SLC14A2: variants seen among roughly 807,000 people sequenced by gnomAD.
SLC14A2 encodes solute carrier family 14 member 2.
In SLC14A2, 91 loss-of-function variants were observed where a neutral mutation model predicts 104.6. The observed-to-expected ratio is 0.87, with a 90% CI of 0.73 to 1.04. The LOEUF (loss-of-function observed/expected upper bound fraction) is 1.04. Ranked by LOEUF, SLC14A2 falls within the 50% of genes least tolerant of loss-of-function variation. The probability of loss-of-function intolerance (pLI) is 0.00; values close to 1 mark genes in which losing one functional copy is unlikely to be tolerated. For missense variants in SLC14A2, 1,189 were observed against 1,156.0 expected (o/e 1.03, Z -0.41); for synonymous variants, 476 against 466.4 (o/e 1.02, Z -0.27).
chr18:45,595,086 AT>A (rs2044702518), intron 2 of SLC14A2, among the ~76,000 whole-genome samples: 1 of 152,184 alleles, frequency 6.6e-6, no homozygotes, highest in African/African-American at 2.4e-5. Context: ...CAACCATCTC[AT>A]TTACTCAACC....
chr18:45,529,358 C>G (rs925724247), intron 2 of SLC14A2: 1 of 152,026 alleles, frequency 6.6e-6, no homozygotes, highest in African/African-American at 2.4e-5. Context: ...CATATGAAAC[C>G]CTATATGAAA....
At chr18:45,327,345 T>C (rs1223085994) in intron 1 of SLC14A2, among the ~76,000 whole-genome samples, 4 of 152,146 alleles carry the variant, frequency 2.6e-5, no homozygotes, top group Admixed American at 1.3e-4. Flanking sequence ...AATTTACATA[T>C]AAATTTTACC....
chr18:45,569,037 G>T (rs1056770834), intron 2 of SLC14A2, among the ~76,000 whole-genome samples: 1 of 152,144 alleles, frequency 6.6e-6, no homozygotes, highest in Admixed American at 6.5e-5. Flanking sequence ...AGGAGGAAGT[G>T]CCCACCTCTC....
chr18:45,531,913 A>C (rs986505741), intron 2 of SLC14A2, among the ~76,000 whole-genome samples: 9 of 152,116 alleles, frequency 5.9e-5, no homozygotes, highest in African/African-American at 1.4e-4. Flanking sequence ...TCAGCTTTCT[A>C]CATATGGCTA....
intron 2 of SLC14A2, among the ~76,000 whole-genome samples, chr18:45,560,025 C>T (rs2044181452): frequency 6.6e-6 from 1 of 152,200 alleles, no homozygotes. Flanking sequence ...CCTCTGCCTA[C>T]ACGTTGCCCT....
chr18:45,560,793 T>C lies in SLC14A2; in HGVS notation c.-34-63838T>C, dbSNP rs540098873. On this transcript the variant is annotated intron_variant, in intron 2 of 20. Coordinates refer to the SLC14A2 transcript ENST00000586448. ...CCCTCACCTCTTTCATGTCCTGGGG[T>C]TGACTTCCTGCTTGTCCCCACCTCT... Among the ~76,000 whole-genome samples the C allele has an allele frequency of 2.0e-5, 3 of 152,098 alleles. No individual in the cohort carries two copies. The South Asian group carries it at 6.3e-4, about 32-fold the overall frequency.
intron 1 of SLC14A2, among the ~76,000 whole-genome samples, chr18:45,229,647 G>T (rs1373141213): frequency 6.6e-6 from 1 of 152,114 alleles, no homozygotes; most frequent in Non-Finnish European, 1.5e-5. Context: ...ATACCCTCCT[G>T]CACTCTACCT....
the SLC14A2 span, chr18:45,169,071 G>A: frequency 6.6e-6 from 1 of 152,140 alleles, no homozygotes; most frequent in Non-Finnish European, 1.5e-5. Context: ...ACCATTGAAA[G>A]CAAGGATTTG....
At chr18:45,178,296 A>AGCAC in the SLC14A2 span, among the ~76,000 whole-genome samples, 1 of 152,338 alleles carries the variant, frequency 6.6e-6, no homozygotes, top group Admixed American at 6.5e-5. Flanking sequence ...AAGCACTAGA[A>AGCAC]TTCAGTCTAC....
At chr18:45,394,923 A>G (rs2086012047) in intron 1 of SLC14A2, among the ~76,000 whole-genome samples, 3 of 152,192 alleles carry the variant, frequency 2.0e-5, no homozygotes, top group Admixed American at 6.5e-5. Context: ...GCTCCTCAAA[A>G]AAATTAAGAT....
intron 1 of SLC14A2, among the ~76,000 whole-genome samples, chr18:45,293,697 C>A (rs527531009): frequency 6.6e-6 from 1 of 152,230 alleles, no homozygotes; most frequent in Non-Finnish European, 1.5e-5. Context: ...TTGTAAGATG[C>A]CAGTGTGCAG....
intron 1 of SLC14A2, among the ~76,000 whole-genome samples, chr18:45,250,579 C>T (rs1037635566): frequency 6.6e-6 from 1 of 152,040 alleles, no homozygotes; most frequent in Non-Finnish European, 1.5e-5. Context: ...AAACATCCTT[C>T]CCATTGCCCT....
At chr18:45,567,937 G>C (rs7226774) in intron 2 of SLC14A2, among the ~76,000 whole-genome samples, 60,077 of 152,126 alleles carry the variant, frequency 0.39, 12,886 homozygotes, top group East Asian at 0.66. Context: ...CTGTTCTACA[G>C]TTCCTGGGTC....
intron 1 of SLC14A2, among the ~76,000 whole-genome samples, chr18:45,362,293 AG>A (rs757451127): frequency 1.3e-5 from 2 of 152,216 alleles, no homozygotes; most frequent in South Asian, 2.1e-4. Context: ...AGTTCTTTAC[AG>A]GAGTGTGAAA....
intron 1 of SLC14A2, among the ~76,000 whole-genome samples, chr18:45,412,461 AT>A (rs1243226500): frequency 1.3e-5 from 2 of 152,156 alleles, no homozygotes; most frequent in African/African-American, 4.8e-5. Context: ...GTTGGCTGAT[AT>A]TCTTGGCTCA....
chr18:45,226,660 G>A (rs531218212), intron 1 of SLC14A2, among the ~76,000 whole-genome samples: 1 of 128,502 alleles, frequency 7.8e-6, no homozygotes, highest in African/African-American at 2.9e-5. Context: ...CACACAACGG[G>A]GCCTGTTGGG....
chr18:45,671,610 A>T (rs948426886), intron 16 of SLC14A2, among the ~76,000 whole-genome samples: 1 of 152,054 alleles, frequency 6.6e-6, no homozygotes, highest in African/African-American at 2.4e-5. Context: ...TTTGCCCTGC[A>T]TGGTGAGGCC....
chr18:45,260,230 G>A (rs1160930239), intron 1 of SLC14A2, among the ~76,000 whole-genome samples: 1 of 152,184 alleles, frequency 6.6e-6, no homozygotes, highest in Admixed American at 6.5e-5. Context: ...ACTAGGGAAG[G>A]CATAAACACA....
chr18:45,637,717 G>C (rs1426149373), intron 6 of SLC14A2, among the ~76,000 whole-genome samples: 1 of 152,150 alleles, frequency 6.6e-6, no homozygotes, highest in African/African-American at 2.4e-5. Flanking sequence ...TTATTGTCAA[G>C]ACTAGAGAGG....
Sources: gnomAD v4.1 joint callset for allele counts (sites outside exome capture counted in the v4.1 genomes callset) on GRCh38, gnomAD v4.1.1 for gene constraint, MANE v1.5 for transcripts, NCBI Gene and HGNC (gene_info 2026-07-23, HGNC 2026-07-21) for gene names.